The following CADM2 variants were observed in gnomAD, a reference collection of about 807,000 sequenced individuals.
CADM2 encodes the protein cell adhesion molecule 2, also known as immunoglobulin superfamily member 4D.
CADM2 carries 12 observed loss-of-function variants against 49.8 expected under a neutral mutation model. That is an observed-to-expected ratio of 0.24 (90% CI 0.15 to 0.39). The LOEUF (loss-of-function observed/expected upper bound fraction) is 0.39. Ranked by LOEUF, CADM2 falls within the 10% of genes least tolerant of loss-of-function variation. The pLI, the probability that CADM2 is intolerant of heterozygous loss-of-function variation, is 1.00. For synonymous variants in CADM2, 214 were observed against 175.4 expected (o/e 1.22, Z -1.74); for missense variants, 378 against 492.3 (o/e 0.77, Z 2.20).
intron 1 of CADM2, among the ~76,000 whole-genome samples, chr3:85,652,791 T>G (rs2065088223): frequency 7.4e-6 from 1 of 135,680 alleles, no homozygotes; most frequent in South Asian, 2.5e-4. Context: ...TTTTTTTTTT[T>G]TTTTTAGACA....
chr3:85,391,373 GA>G (rs2034509935), intron 1 of CADM2, among the ~76,000 whole-genome samples: 1 of 152,034 alleles, frequency 6.6e-6, no homozygotes, highest in Admixed American at 6.5e-5. Flanking sequence ...ATAAAGATAA[GA>G]TTTTTCAGTG....
intron 8 of CADM2, among the ~76,000 whole-genome samples, chr3:86,021,086 G>A (rs1041725214): frequency 2.0e-5 from 3 of 152,010 alleles, no homozygotes; most frequent in Non-Finnish European, 4.4e-5. Context: ...TGCAACCTCC[G>A]CCTCCCAGGT....
chr3:85,822,979 A>G (rs1418596532), intron 3 of CADM2, among the ~76,000 whole-genome samples: 1 of 152,146 alleles, frequency 6.6e-6, no homozygotes, highest in Non-Finnish European at 1.5e-5. Flanking sequence ...GCCATTGCAA[A>G]GCATGTTGCA....
At chr3:85,760,442 A>G (rs569721112) in intron 2 of CADM2, among the ~76,000 whole-genome samples, 127 of 152,176 alleles carry the variant, frequency 8.3e-4, no homozygotes, top group Non-Finnish European at 1.3e-3. Context: ...TGTTGGACTT[A>G]CATGTAAAGG....
chr3:85,150,578 ATTTG>A (rs1279861758), intron 1 of CADM2, among the ~76,000 whole-genome samples: 2 of 152,228 alleles, frequency 1.3e-5, no homozygotes, highest in African/African-American at 2.4e-5. Context: ...AGCATTTTAA[ATTTG>A]TTTATTTGCT....
At chr3:85,123,537 A>G (rs902816862) in intron 1 of CADM2, among the ~76,000 whole-genome samples, 10 of 152,168 alleles carry the variant, frequency 6.6e-5, no homozygotes, top group African/African-American at 2.4e-4. Context: ...CTGAAGAAGT[A>G]AAATGAATTT....
At chr3:85,848,616 A>G (rs1340967275) in intron 3 of CADM2, among the ~76,000 whole-genome samples, 1 of 152,294 alleles carries the variant, frequency 6.6e-6, no homozygotes, top group East Asian at 1.9e-4. Context: ...GTGTTAGTAC[A>G]TGGTTCACTT....
intron 1 of CADM2, among the ~76,000 whole-genome samples, chr3:85,074,581 TA>T (rs1320499321): frequency 6.6e-6 from 1 of 152,218 alleles, no homozygotes; most frequent in African/African-American, 2.4e-5. Context: ...TTGTGTTCAA[TA>T]TGTTTCTGTT....
At chr3:85,687,613 T>G (rs2066254646) in intron 1 of CADM2, among the ~76,000 whole-genome samples, 1 of 152,130 alleles carries the variant, frequency 6.6e-6, no homozygotes, top group Admixed American at 6.6e-5. Context: ...TAAGCAATAT[T>G]TGATCTATTT....
chr3:85,081,904 A>G (rs541649566), intron 1 of CADM2, among the ~76,000 whole-genome samples: 1 of 149,420 alleles, frequency 6.7e-6, no homozygotes, highest in East Asian at 1.9e-4. Context: ...GTTCCCAAGT[A>G]TCATTGCTAA....
intron 1 of CADM2, among the ~76,000 whole-genome samples, chr3:85,466,862 G>T (rs1258658462): frequency 1.3e-5 from 2 of 151,872 alleles, no homozygotes; most frequent in African/African-American, 4.8e-5. Flanking sequence ...CTTGAGCTAG[G>T]AAGAAAGAGA....
intron 1 of CADM2, among the ~76,000 whole-genome samples, chr3:84,978,449 T>C (rs1205815097): frequency 6.6e-6 from 1 of 152,180 alleles, no homozygotes; most frequent in Non-Finnish European, 1.5e-5. Context: ...ACCTACTTAA[T>C]ATTAGTAATG....
At chr3:85,614,753 G>A (rs1049653800) in intron 1 of CADM2, among the ~76,000 whole-genome samples, 2 of 151,876 alleles carry the variant, frequency 1.3e-5, no homozygotes, top group East Asian at 1.9e-4. Context: ...TAAAGACAGT[G>A]TTGACTCTAT....
At position 85,212,959 on chromosome 3, in the gene CADM2, C is replaced by A. The variant is rs531707987; in HGVS notation, c.61+253291C>A. Among the ~76,000 whole-genome samples, 14 of 151,380 alleles carry A rather than the reference C, an allele frequency of 9.2e-5. No individual in the cohort carries two copies. The South Asian group carries it at 2.9e-3, about 32-fold the overall frequency. ...GCAATGGCGCAATCTCCGCTCACTG[C>A]AACCTTCGCCTCCTGGGTTCAAGGG... On this transcript the variant is annotated intron_variant, in intron 1 of 9. Transcript: ENST00000383699.
intron 1 of CADM2, 22 bp from the exon 2 acceptor site, chr3:85,726,500 T>C: frequency 6.2e-7 from 1 of 1,611,964 alleles, no homozygotes; most frequent in East Asian, 2.2e-5. Flanking sequence ...TCTCTTCTTG[T>C]GCAACCTTTC....
At chr3:85,067,698 G>A (rs919895849) in intron 1 of CADM2, among the ~76,000 whole-genome samples, 1 of 151,948 alleles carries the variant, frequency 6.6e-6, no homozygotes, top group African/African-American at 2.4e-5. Context: ...ATCTTCTTTG[G>A]CTGTTTGTAC....
chr3:85,175,421 T>A (rs778151832), intron 1 of CADM2, among the ~76,000 whole-genome samples: 4 of 152,162 alleles, frequency 2.6e-5, no homozygotes, highest in Admixed American at 1.3e-4. Context: ...AAAACATTAT[T>A]CAGTTTTTTA....
intron 1 of CADM2, among the ~76,000 whole-genome samples, chr3:85,169,127 TTGTTC>T (rs1251386232): frequency 1.3e-5 from 2 of 151,834 alleles, no homozygotes; most frequent in East Asian, 3.9e-4. Context: ...TAGTTTTGTT[TTGTTC>T]TGTTTTGTTT....
intron 8 of CADM2, among the ~76,000 whole-genome samples, chr3:86,041,149 G>T (rs1313397254): frequency 6.6e-6 from 1 of 152,124 alleles, no homozygotes; most frequent in Non-Finnish European, 1.5e-5. Context: ...AAAGACCGTC[G>T]AGGCTAAGAA....
Sources: allele counts gnomAD v4.1 joint callset (sites outside exome capture counted in the v4.1 genomes callset), GRCh38; gene constraint gnomAD v4.1.1; transcripts MANE v1.5; gene names NCBI Gene and HGNC (gene_info 2026-07-23, HGNC 2026-07-21).